The following CTNNB1 variants were observed in gnomAD, a reference collection of about 807,000 sequenced individuals.
CTNNB1 encodes the protein catenin beta 1, also known as catenin beta-1.
Under a neutral mutation model 82.5 loss-of-function variants are expected in CTNNB1, and 6 were observed. The ratio of observed to expected loss-of-function variants is 0.07; its 90% CI spans 0.04 to 0.14. CTNNB1 has a LOEUF of 0.14. Ranked by LOEUF, CTNNB1 falls within the 10% of genes least tolerant of loss-of-function variation. CTNNB1 has a pLI of 1.00. For synonymous variants in CTNNB1, 312 were observed against 329.7 expected (o/e 0.95, Z 0.58); for missense variants, 529 against 980.4 (o/e 0.54, Z 6.15).
intron 13 of CTNNB1, 168 bp from the exon 14 acceptor site, chr3:41,237,848 C>CT (rs1475980136): frequency 3.2e-6 from 2 of 632,264 alleles, no homozygotes; most frequent in Admixed American, 2.6e-5. Context: ...AAAAATGTAT[C>CT]TTTGAGGTGT....
In CTNNB1 at chr3:41,225,898, A is replaced by G. The variant is rs2125625173; in HGVS notation, c.936+37A>G. The G allele has an allele frequency of 6.4e-7, 1 of 1,556,570 alleles. No homozygotes were observed. Among genetic ancestry groups the G allele is most frequent in the Non-Finnish European group, 8.8e-7 (1 of 1,131,266 alleles). Reference sequence around the variant, plus strand: ...ATTCTTTATGTGGTTTTCATGGAGCATTGGACACCTCCAGTGTCATGTCAT... The same window carrying G: ...ATTCTTTATGTGGTTTTCATGGAGCGTTGGACACCTCCAGTGTCATGTCAT... On this transcript the variant is annotated intron_variant, in intron 6 of 14. Coordinates refer to ENST00000349496, the MANE Select transcript of CTNNB1 (RefSeq NM_001904.4). The surrounding 1 kb of genome is among the most constrained non-coding windows in gnomAD (Gnocchi z 5.3).
At chr3:41,231,494 A>G (rs929917664) in intron 7 of CTNNB1, among the ~76,000 whole-genome samples, 2 of 152,164 alleles carry the variant, frequency 1.3e-5, no homozygotes, top group Non-Finnish European at 2.9e-5. Context: ...GTTACTACTC[A>G]TGGAGTTTAT....
At chr3:41,230,498 C>T (rs1403664155) in intron 7 of CTNNB1, among the ~76,000 whole-genome samples, 1 of 152,204 alleles carries the variant, frequency 6.6e-6, no homozygotes, top group Non-Finnish European at 1.5e-5. Context: ...GGAATAGGCA[C>T]ATAGTATACA....
chr3:41,206,821 G>T (rs2077659138), intron 1 of CTNNB1, among the ~76,000 whole-genome samples: 1 of 152,060 alleles, frequency 6.6e-6, no homozygotes, highest in East Asian at 1.9e-4. Flanking sequence ...CCCTGTGTAG[G>T]AAAGTGCTGG....
chr3:41,209,178 CTG>C (rs937712995), intron 1 of CTNNB1, among the ~76,000 whole-genome samples: 1 of 152,200 alleles, frequency 6.6e-6, no homozygotes, highest in Non-Finnish European at 1.5e-5. Context: ...TTTCTGACCT[CTG>C]TTGGAGTGGC....
chr3:41,227,364 T>TAA lies in CTNNB1; in HGVS notation c.1081+13_1081+14insAA. 6.2e-7 allele frequency: 1 copy of TAA among 1,613,560 alleles called. No homozygotes were observed. On this transcript the variant is annotated intron_variant, in intron 7 of 14. Coordinates refer to ENST00000349496, the MANE Select transcript of CTNNB1 (RefSeq NM_001904.4). ...TATTGTAGAAGCTGGTAAGTATATGTATCTATTCTGAGTCTTGTGTATAGC... is the reference window on the plus strand; with the variant it reads ...TATTGTAGAAGCTGGTAAGTATATGTAAATCTATTCTGAGTCTTGTGTATAGC...
chr3:41,201,453 C>G lies in CTNNB1; in HGVS notation c.-49+1783C>G, dbSNP rs139620598. ...TCATTACTTTGACCTAACCTTTGTT[C>G]TGAAGGCCGTGTACAAGGACAAGGC... On this transcript the variant is annotated intron_variant, in intron 1 of 14. Transcript: ENST00000349496. 2.2e-3 allele frequency among the ~76,000 whole-genome samples: 331 copies of G among 152,214 alleles called. 2 individuals are homozygous for G. The highest frequency in any genetic ancestry group is 7.5e-3 in the African/African-American group (311 of 41,536).
intron 1 of CTNNB1, among the ~76,000 whole-genome samples, chr3:41,200,616 G>A (rs1310942686): frequency 6.6e-6 from 1 of 152,178 alleles, no homozygotes; most frequent in Non-Finnish European, 1.5e-5. Context: ...TATAGAGCAC[G>A]TTTTCTTTTC....
chr3:41,233,161 C>A, intron 7 of CTNNB1, 180 bp from the exon 8 acceptor site: 1 of 659,490 alleles, frequency 1.5e-6, no homozygotes, highest in South Asian at 1.8e-5. Flanking sequence ...GTGAGGTGAA[C>A]TGGCAAAGTG....
chr3:41,234,312 A>G lies in CTNNB1; in HGVS notation c.1683+15A>G, dbSNP rs2078380348. 6.2e-7 allele frequency: 1 copy of G among 1,613,966 alleles called. No individual in the cohort carries two copies. Among genetic ancestry groups the G allele is most frequent in the South Asian group, 1.1e-5 (1 of 91,074 alleles). On this transcript the variant is annotated intron_variant, in intron 10 of 14. Transcript: ENST00000349496. ...AGCAATTTGTGGTAGGTAAATTCTT[A>G]CAGTGATACCTGGCTATCTAAAAGG...
chr3:41,203,719 A>T (rs1425514784), intron 1 of CTNNB1, among the ~76,000 whole-genome samples: 1 of 152,172 alleles, frequency 6.6e-6, no homozygotes, highest in South Asian at 2.1e-4. Flanking sequence ...GTGGGCCATG[A>T]TGAACTGTGT....
intron 7 of CTNNB1, among the ~76,000 whole-genome samples, chr3:41,230,681 C>T (rs2078285887): frequency 6.6e-6 from 1 of 152,118 alleles, no homozygotes; most frequent in East Asian, 1.9e-4. Flanking sequence ...GGGAAAAGGT[C>T]TCCTTGAAAA....
chr3:41,235,344 G>C (rs2078410462), intron 10 of CTNNB1: 1 of 252,098 alleles, frequency 4.0e-6, no homozygotes, highest in Non-Finnish European at 7.8e-6. Context: ...CAAATACATG[G>C]AAGATATACA....
chr3:41,236,201 C>G lies in CTNNB1; in HGVS notation c.1804-148C>G, dbSNP rs1027047734. The G allele has an allele frequency of 5.0e-6, 5 of 1,003,506 alleles. No homozygotes were observed. The African/African-American group carries it at 7.9e-5, about 16-fold the overall frequency. 62.2% of individuals were successfully genotyped at this position (1,003,506 alleles called of 1,614,324 possible). A position where few individuals can be genotyped will look rare whatever the true frequency, so the allele number is the denominator to read the frequency against. On this transcript the variant is annotated intron_variant, in intron 11 of 14. Coordinates refer to ENST00000349496, the MANE Select transcript of CTNNB1 (RefSeq NM_001904.4). ...AAATCCAGTGCTCCAGAGCATTAAA[C>G]ACCCCAAGACATAAAATTCAGAGAA...
At chr3:41,204,967 A>G (rs1342297370) in intron 1 of CTNNB1, among the ~76,000 whole-genome samples, 1 of 152,230 alleles carries the variant, frequency 6.6e-6, no homozygotes, top group Non-Finnish European at 1.5e-5. Context: ...TATATTATCA[A>G]CTTATTTGTG....
At position 41,238,814 on chromosome 3, in the gene CTNNB1, TCTC is replaced by T. The variant is rs752690559; in HGVS notation, c.2138-316_2138-314del. The stretch of plus-strand genomic sequence containing the variant: ...GGTCACACAGTAGATTCCTGCTTCT[TCTC>T]CTCGGGAACCCCAAGTCTCTTGACA... On this transcript the variant is annotated intron_variant, in intron 14 of 14. Coordinates refer to ENST00000349496, the MANE Select transcript of CTNNB1 (RefSeq NM_001904.4). Among the ~76,000 whole-genome samples the T allele has an allele frequency of 2.3e-4, 35 of 152,274 alleles. No homozygotes were observed. In the East Asian group the frequency reaches 2.7e-3, roughly 12 times the overall value.
intron 1 of CTNNB1, among the ~76,000 whole-genome samples, chr3:41,202,905 G>A (rs1432697079): frequency 6.6e-6 from 1 of 152,086 alleles, no homozygotes; most frequent in Non-Finnish European, 1.5e-5. Context: ...TTGAAACCTA[G>A]GCTCATCTGT....
At chr3:41,238,545 A>ATAAC (rs779004050) in intron 14 of CTNNB1, 12 of 192,968 alleles carry the variant, frequency 6.2e-5, no homozygotes, top group Middle Eastern at 2.3e-3. Flanking sequence ...ACTAACAATT[A>ATAAC]TAACTGTCTT....
intron 3 of CTNNB1, 22 bp from the exon 4 acceptor site, chr3:41,224,932 G>C (rs770161910): frequency 1.2e-6 from 2 of 1,614,092 alleles, no homozygotes; most frequent in Non-Finnish European, 1.7e-6. Flanking sequence ...TGGATAGTGA[G>C]TGTTGAATTA....
Sources: allele counts gnomAD v4.1 joint callset (sites outside exome capture counted in the v4.1 genomes callset), GRCh38; gene constraint gnomAD v4.1.1; non-coding constraint Gnocchi (gnomAD v3.1); transcripts MANE v1.5; gene names NCBI Gene and HGNC (gene_info 2026-07-23, HGNC 2026-07-21).